Variants in PAFAH1B1 observed in about 807,000 individuals in gnomAD.
The protein encoded by PAFAH1B1 is platelet-activating factor acetylhydrolase IB subunit beta.
In PAFAH1B1, 2 loss-of-function variants were observed where a neutral mutation model predicts 57.5. The ratio of observed to expected loss-of-function variants is 0.03; its 90% CI spans 0.01 to 0.11. The LOEUF is 0.11. PAFAH1B1 is among the 10% of genes least tolerant of loss of function. PAFAH1B1 has a pLI of 1.00. For synonymous variants in PAFAH1B1, 152 were observed against 169.6 expected, an observed-to-expected ratio of 0.90 and a Z score of 0.81; for missense variants, 257 against 512.0, an observed-to-expected ratio of 0.50 and a Z score of 4.81.
At position 2,682,336 on chromosome 17, in the gene PAFAH1B1, G is replaced by T. The variant is rs1482133462; in HGVS notation, c.*534G>T. On this transcript the variant is annotated 3_prime_UTR_variant, in exon 11 of 11. Coordinates refer to ENST00000397195, the MANE Select transcript of PAFAH1B1 (RefSeq NM_000430.4). Reference sequence around the variant, plus strand: ...CTGAACCATCTATGTAATGAATGGGGATTATACATTGGAATTTTTGTCATG... The same window carrying T: ...CTGAACCATCTATGTAATGAATGGGTATTATACATTGGAATTTTTGTCATG... 3 of 152,714 alleles carry T rather than the reference G, an allele frequency of 2.0e-5. No individual in the cohort carries two copies. The highest frequency in any genetic ancestry group is 4.4e-5 in the Non-Finnish European group (3 of 68,106). 9.5% of individuals were successfully genotyped at this position (152,714 alleles called of 1,614,324 possible). A position where few individuals can be genotyped will look rare whatever the true frequency, so the allele number is the denominator to read the frequency against.
At chr17:2,675,454 C>T (rs990003755) in intron 8 of PAFAH1B1, among the ~76,000 whole-genome samples, 3 of 152,016 alleles carry the variant, frequency 2.0e-5, no homozygotes, top group African/African-American at 7.2e-5. Flanking sequence ...TTGATTGGCC[C>T]ATTGCATTTT....
intron 9 of PAFAH1B1, chr17:2,679,828 GAAC>G (rs748531626): frequency 6.7e-6 from 2 of 299,028 alleles, no homozygotes; most frequent in Non-Finnish European, 1.3e-5. Flanking sequence ...AACCACCTAA[GAAC>G]AAGGATAGTA....
intron 7 of PAFAH1B1, among the ~76,000 whole-genome samples, chr17:2,673,155 C>T (rs955511315): frequency 3.3e-5 from 5 of 152,102 alleles, no homozygotes; most frequent in African/African-American, 4.8e-5. Flanking sequence ...GACTTTAACC[C>T]GGAATGATCA....
rs755695745 is a variant in PAFAH1B1 at position 2,676,564 on chromosome 17, T to C, written c.960T>C (p.Ile320=). Reference sequence around the variant, plus strand: ...TGTCTGGATCCAGAGACAAGACTATTAAGATGTGGGATGTCAGTACTGGCA... The same window carrying C: ...TGTCTGGATCCAGAGACAAGACTATCAAGATGTGGGATGTCAGTACTGGCA... ...FLLSGSRDKT[I]KMWDVSTGMC... Residue 320 remains isoleucine, a synonymous_variant, in exon 9 of 11, where the codon ATT becomes ATC. Coordinates refer to ENST00000397195, the MANE Select transcript of PAFAH1B1 (RefSeq NM_000430.4). The C allele has an allele frequency of 6.2e-7, 1 of 1,613,388 alleles. No individual in the cohort carries two copies. The highest frequency in any genetic ancestry group is 1.7e-5 in the Admixed American group (1 of 60,028).
At chr17:2,654,555 G>A (rs913592033) in intron 2 of PAFAH1B1, among the ~76,000 whole-genome samples, 1 of 152,216 alleles carries the variant, frequency 6.6e-6, no homozygotes, top group South Asian at 2.1e-4. Context: ...TGCAGTGACG[G>A]TTGTTTCTAA....
intron 1 of PAFAH1B1, among the ~76,000 whole-genome samples, chr17:2,622,670 G>A (rs1055112973): frequency 2.6e-5 from 4 of 152,132 alleles, no homozygotes; most frequent in African/African-American, 7.2e-5. Flanking sequence ...GCAAGCTGTC[G>A]GTGGATCTAC....
rs115347738 is a variant in PAFAH1B1, at chr17:2,677,415, G to T, written c.1002+809G>T. Reference sequence around the variant, plus strand: ...GCCTAAAGGAGTTCCAAGGAGATCTGTGGATGTTTGTTTAGTAGTAGTTTT... The same window carrying T: ...GCCTAAAGGAGTTCCAAGGAGATCTTTGGATGTTTGTTTAGTAGTAGTTTT... On this transcript the variant is annotated intron_variant, in intron 9 of 10. Transcript: ENST00000397195. Among the ~76,000 whole-genome samples, 1,027 of 152,302 alleles carry T rather than the reference G, an allele frequency of 6.7e-3. 14 individuals carry two copies. The highest frequency in any genetic ancestry group is 0.024 in the African/African-American group (984 of 41,572).
chr17:2,643,534 G>A (rs967011484), intron 2 of PAFAH1B1, among the ~76,000 whole-genome samples: 13 of 150,754 alleles, frequency 8.6e-5, no homozygotes, highest in Non-Finnish European at 4.4e-5. Flanking sequence ...GGGATTACAA[G>A]TGTGAGCCAA....
At chr17:2,649,399 C>A (rs180682125) in intron 2 of PAFAH1B1, among the ~76,000 whole-genome samples, 1 of 151,788 alleles carries the variant, frequency 6.6e-6, no homozygotes, top group Non-Finnish European at 1.5e-5. Context: ...ATGACGAAAC[C>A]CCATCTCTAC....
intron 5 of PAFAH1B1, among the ~76,000 whole-genome samples, chr17:2,669,207 A>G (rs575761043): frequency 6.6e-6 from 1 of 152,052 alleles, no homozygotes; most frequent in African/African-American, 2.4e-5. Flanking sequence ...GAATTTTTTT[A>G]TATTAAAAAA....
At chr17:2,617,428 T>C (rs1416214700) in intron 1 of PAFAH1B1, among the ~76,000 whole-genome samples, 1 of 152,106 alleles carries the variant, frequency 6.6e-6, no homozygotes, top group Non-Finnish European at 1.5e-5. Flanking sequence ...AGCGAGGAGA[T>C]GGTGAAGCTG....
chr17:2,638,955 A>C (rs2151635041), intron 2 of PAFAH1B1, among the ~76,000 whole-genome samples: 1 of 152,226 alleles, frequency 6.6e-6, no homozygotes, highest in East Asian at 1.9e-4. Flanking sequence ...GCTGGAGTGC[A>C]GTGGCGCAAT....
intron 1 of PAFAH1B1, 28 bp downstream of exon 1, chr17:2,594,034 C>T (rs1003162378): frequency 1.0e-5 from 4 of 398,318 alleles, no homozygotes; most frequent in South Asian, 1.3e-4. Flanking sequence ...TGCGCCCTCC[C>T]CTCTGTCTCC....
intron 1 of PAFAH1B1, among the ~76,000 whole-genome samples, chr17:2,616,483 G>A (rs1286038348): frequency 6.6e-6 from 1 of 152,106 alleles, no homozygotes; most frequent in Non-Finnish European, 1.5e-5. Context: ...AAGTCCAAAC[G>A]CAGTCTTTTG....
At chr17:2,626,569 C>CA (rs1371316342) in intron 1 of PAFAH1B1, among the ~76,000 whole-genome samples, 6 of 74,524 alleles carry the variant, frequency 8.1e-5, no homozygotes, top group Non-Finnish European at 2.0e-4. Context: ...CCCCCCCCCC[C>CA]CCGAGGCGGA....
upstream of PAFAH1B1, among the ~76,000 whole-genome samples, chr17:2,593,590 G>GGGCGGCGGC (rs552674446): frequency 9.5e-3 from 1,406 of 148,758 alleles, 10 homozygotes; most frequent in South Asian, 0.024. Flanking sequence ...GGCGGGTCTG[G>GGGCGGCGGC]GGCGGCGGCG....
chr17:2,638,566 G>C, intron 2 of PAFAH1B1: 2 of 442,306 alleles, frequency 4.5e-6, no homozygotes, highest in Non-Finnish European at 4.1e-6. Flanking sequence ...GGAGTGCAAT[G>C]GCGCCATCTC....
intron 1 of PAFAH1B1, among the ~76,000 whole-genome samples, chr17:2,626,226 C>T (rs1054860295): frequency 5.3e-5 from 8 of 151,892 alleles, no homozygotes; most frequent in Non-Finnish European, 1.0e-4. Context: ...TGCACTCCAG[C>T]CTGGGCGACA....
At chr17:2,658,471 T>C (rs1210878789) in intron 2 of PAFAH1B1, among the ~76,000 whole-genome samples, 1 of 152,232 alleles carries the variant, frequency 6.6e-6, no homozygotes, top group Admixed American at 6.6e-5. Flanking sequence ...TTGGTTTTGC[T>C]TTTTAAAAAG....
Sources: gnomAD v4.1 joint callset for allele counts (sites outside exome capture counted in the v4.1 genomes callset) on GRCh38, gnomAD v4.1.1 for gene constraint, MANE v1.5 for transcripts, NCBI Gene and HGNC (gene_info 2026-07-23, HGNC 2026-07-21) for gene names.